The following MAP2 variants were observed in gnomAD, a reference collection of about 807,000 sequenced individuals.
MAP2 encodes microtubule associated protein 2, also known as microtubule-associated protein 2.
In MAP2, 14 loss-of-function variants were observed where a neutral mutation model predicts 137.6. The ratio of observed to expected loss-of-function variants is 0.10; its 90% CI spans 0.07 to 0.16. The LOEUF is 0.16. Ranked by LOEUF, MAP2 falls within the 10% of genes least tolerant of loss-of-function variation. The pLI, the probability that MAP2 is intolerant of heterozygous loss-of-function variation, is 1.00. For missense variants in MAP2, 2,088 were observed against 2,191.5 expected (o/e 0.95, Z 0.94); for synonymous variants, 786 against 782.3 (o/e 1.00, Z -0.08).
intron 7 of MAP2, chr2:209,690,817 A>G (rs113413607): frequency 9.3e-6 from 12 of 1,287,080 alleles, no homozygotes; most frequent in African/African-American, 9.1e-5. Flanking sequence ...AGGTGTCTCC[A>G]GAAGTAAAAA....
chr2:209,575,073 C>A (rs1214261497), intron 2 of MAP2, among the ~76,000 whole-genome samples: 1 of 152,130 alleles, frequency 6.6e-6, no homozygotes, highest in Non-Finnish European at 1.5e-5. Context: ...CAAGAGAAGG[C>A]ATGATTTATC....
rs2059762786 is a variant in MAP2, at chr2:209,694,736, G to A, written c.2566G>A (p.Val856Ile). ...GLPPVTDENH[V>I]IVKTDSQLED... Reference sequence around the variant, plus strand: ...GCCCCCGGTAACTGATGAAAACCATGTCATTGTAAAAACGGACAGTCAGCT... The same window carrying A: ...GCCCCCGGTAACTGATGAAAACCATATCATTGTAAAAACGGACAGTCAGCT... The change falls in exon 8 of 16, where the codon GTC becomes ATC. Residue 856 changes from valine (V) to isoleucine (I), a missense_variant. By Grantham distance (29) the Val-to-Ile change is conservative. Coordinates refer to ENST00000682079, the MANE Select transcript of MAP2 (RefSeq NM_001375505.1). 2 of 1,614,026 alleles carry A rather than the reference G, an allele frequency of 1.2e-6. No individual in the cohort carries two copies. The highest frequency in any genetic ancestry group is 2.7e-5 in the African/African-American group (2 of 74,934).
rs1696049090 is a variant in MAP2 at position 209,435,998 on chromosome 2, T to TATATA, written c.-222+11723_-222+11727dup. 2.3e-5 allele frequency among the ~76,000 whole-genome samples: 2 copies of TATATA among 88,806 alleles called. 1 individual carries two copies. Among genetic ancestry groups the TATATA allele is most frequent in the Non-Finnish European group, 4.0e-5 (2 of 49,450 alleles). The allele number at this position is 88,806 out of a possible 152,430, so 58.3% of individuals were successfully genotyped here. ...AATATATACAGTATATATTATATACTATATATACAGTATATATTATATATA... is the reference window on the plus strand; with the variant it reads ...AATATATACAGTATATATTATATACTATATAATATATACAGTATATATTATATATA... On this transcript the variant is annotated intron_variant, in intron 1 of 15. Coordinates refer to ENST00000682079, the MANE Select transcript of MAP2 (RefSeq NM_001375505.1).
At chr2:209,497,591 C>G (rs1171388359) in intron 1 of MAP2, among the ~76,000 whole-genome samples, 1 of 152,188 alleles carries the variant, frequency 6.6e-6, no homozygotes, top group Non-Finnish European at 1.5e-5. Flanking sequence ...GCGGGCTATA[C>G]AGGAAACATA....
In MAP2 at chr2:209,730,453, G is replaced by A; in HGVS notation, c.*56G>A. ...ATTTAGGCATGAGCTCTTGGCAGGA[G>A]TGGGCTCTGAGCAGTTGTTATATTC... On this transcript the variant is annotated 3_prime_UTR_variant, in exon 16 of 16. Coordinates refer to ENST00000682079, the MANE Select transcript of MAP2 (RefSeq NM_001375505.1). 7.8e-7 allele frequency: 1 copy of A among 1,280,828 alleles called. No homozygotes were observed. Among genetic ancestry groups the A allele is most frequent in the Non-Finnish European group, 1.1e-6 (1 of 892,392 alleles). The allele number at this position is 1,280,828 out of a possible 1,614,324, so 79.3% of individuals were successfully genotyped here.
intron 1 of MAP2, among the ~76,000 whole-genome samples, chr2:209,426,152 C>T (rs976252720): frequency 1.3e-5 from 2 of 152,106 alleles, no homozygotes; most frequent in African/African-American, 4.8e-5. Context: ...ATCAGTGGTA[C>T]ATGCTGTTTA....
chr2:209,442,065 T>G (rs965239734), intron 1 of MAP2, among the ~76,000 whole-genome samples: 1 of 151,544 alleles, frequency 6.6e-6, no homozygotes, highest in African/African-American at 2.4e-5. Flanking sequence ...AATTTGAGGA[T>G]TTTCACAAAT....
At chr2:209,729,729 G>A in intron 14 of MAP2, 121 bp from the exon 15 acceptor site, 1 of 641,444 alleles carries the variant, frequency 1.6e-6, no homozygotes, top group Admixed American at 2.8e-5. Flanking sequence ...ATATATGGTT[G>A]GAGGGATGGT....
At chr2:209,701,898 A>G (rs542955833) in intron 11 of MAP2, among the ~76,000 whole-genome samples, 3 of 152,182 alleles carry the variant, frequency 2.0e-5, no homozygotes, top group African/African-American at 7.2e-5. Context: ...TTGAACATCT[A>G]TTAGTTATAT....
rs189841465 is a variant in MAP2, at chr2:209,710,432, C to T, written c.5073+178C>T. On this transcript the variant is annotated intron_variant, in intron 13 of 15. Coordinates refer to ENST00000682079, the MANE Select transcript of MAP2 (RefSeq NM_001375505.1). ...ATAGCCTCTGAAATACAACGAAAATCACATGACATGCCCATTCCTTCTGTT... is the reference window on the plus strand; with the variant it reads ...ATAGCCTCTGAAATACAACGAAAATTACATGACATGCCCATTCCTTCTGTT... 1,133 of 607,252 alleles carry T rather than the reference C, an allele frequency of 1.9e-3. 6 individuals are homozygous for T. Among genetic ancestry groups the T allele is most frequent in the Non-Finnish European group, 1.6e-3 (548 of 351,462 alleles). 37.6% of individuals were successfully genotyped at this position (607,252 alleles called of 1,614,324 possible). A position where few individuals can be genotyped will look rare whatever the true frequency, so the allele number is the denominator to read the frequency against.
intron 1 of MAP2, among the ~76,000 whole-genome samples, chr2:209,471,523 T>C (rs891953440): frequency 2.6e-5 from 4 of 152,134 alleles, no homozygotes; most frequent in Admixed American, 6.5e-5. Context: ...TGTTCTAAAA[T>C]TGTAGGTAAA....
chr2:209,569,651 G>A (rs1470354349), intron 2 of MAP2, among the ~76,000 whole-genome samples: 3 of 151,754 alleles, frequency 2.0e-5, no homozygotes, highest in Non-Finnish European at 3.0e-5. Context: ...GAATAGAATT[G>A]TCTGAAATGA....
At chr2:209,668,729 T>G (rs1242488359) in intron 5 of MAP2, among the ~76,000 whole-genome samples, 1 of 152,094 alleles carries the variant, frequency 6.6e-6, no homozygotes, top group African/African-American at 2.4e-5. Flanking sequence ...CTATCATCAA[T>G]TTTACATATT....
At chr2:209,526,084 C>T (rs1025107218) in intron 2 of MAP2, among the ~76,000 whole-genome samples, 1 of 152,052 alleles carries the variant, frequency 6.6e-6, no homozygotes, top group Non-Finnish European at 1.5e-5. Context: ...TAAAAAGCAA[C>T]ACAGAGGAGG....
intron 4 of MAP2, among the ~76,000 whole-genome samples, chr2:209,643,766 A>G (rs1052285419): frequency 6.6e-5 from 10 of 152,206 alleles, no homozygotes; most frequent in Non-Finnish European, 1.2e-4. Flanking sequence ...TAGGCACAAC[A>G]GAGCACTGCC....
chr2:209,465,453 G>A (rs1472248865), intron 1 of MAP2, among the ~76,000 whole-genome samples: 1 of 151,934 alleles, frequency 6.6e-6, no homozygotes, highest in African/African-American at 2.4e-5. Context: ...ATTGTAAGAG[G>A]AGGACACACA....
chr2:209,528,192 T>A (rs2064388181), intron 2 of MAP2, among the ~76,000 whole-genome samples: 1 of 151,184 alleles, frequency 6.6e-6, no homozygotes, highest in African/African-American at 2.4e-5. Context: ...CCTACCTCCT[T>A]CATCCCCCCA....
intron 4 of MAP2, among the ~76,000 whole-genome samples, chr2:209,638,712 A>G (rs142524700): frequency 1.3e-5 from 2 of 152,228 alleles, no homozygotes; most frequent in African/African-American, 2.4e-5. Flanking sequence ...TTACTCATGT[A>G]GTACCTATTT....
intron 12 of MAP2, 105 bp from the exon 13 acceptor site, chr2:209,709,809 T>C: frequency 1.2e-6 from 1 of 808,452 alleles, no homozygotes. Context: ...TCTAAATACC[T>C]TAGAAATTAA....
Sources: gnomAD v4.1 joint callset for allele counts (sites outside exome capture counted in the v4.1 genomes callset) on GRCh38, gnomAD v4.1.1 for gene constraint, MANE v1.5 for transcripts, NCBI Gene and HGNC (gene_info 2026-07-23, HGNC 2026-07-21) for gene names.